NAB1: variants seen among roughly 807,000 people sequenced by gnomAD.
The protein encoded by NAB1 is NGFI-A binding protein 1, also known as NGFI-A-binding protein 1.
In NAB1, 25 loss-of-function variants were observed where a neutral mutation model predicts 49.9. That is an observed-to-expected ratio of 0.50 (90% CI 0.37 to 0.70). The LOEUF is 0.70. NAB1 is among the 30% of genes least tolerant of loss of function. The pLI is 0.00. For missense variants in NAB1, 489 were observed against 575.9 expected (o/e 0.85, Z 1.54); for synonymous variants, 198 against 215.6 (o/e 0.92, Z 0.71).
rs750117338 is a variant in NAB1, at chr2:190,659,206, G to C, written c.30G>C (p.Gly10=). 1.9e-6 allele frequency: 3 copies of C among 1,613,822 alleles called. No homozygotes were observed. Among genetic ancestry groups the C allele is most frequent in the Non-Finnish European group, 2.5e-6 (3 of 1,179,908 alleles). ...CTGCGGCCTTACCCAGGACCCTGGG[G>C]GAGTTGCAGCTGTATAGAATATTAC... MAAALPRTL[G]ELQLYRILQK... Residue 10 remains glycine, a synonymous_variant, in exon 4 of 10, where the codon GGG becomes GGC. Transcript: ENST00000337386. The surrounding 1 kb of genome is among the most constrained non-coding windows in gnomAD (Gnocchi z 6.2).
chr2:190,683,588 A>G, intron 6 of NAB1, 150 bp from the exon 7 acceptor site: 1 of 580,858 alleles, frequency 1.7e-6, no homozygotes, highest in East Asian at 2.9e-5. Context: ...TGTTTCATAA[A>G]AGGCTGAAAT....
chr2:190,672,729 A>T (rs1379228006), intron 5 of NAB1, among the ~76,000 whole-genome samples: 2 of 152,050 alleles, frequency 1.3e-5, no homozygotes, highest in Non-Finnish European at 2.9e-5. Flanking sequence ...TAATCCCAGC[A>T]ATTTGGAAGG....
rs1343510368 is a variant in NAB1, at chr2:190,659,598, A to G, written c.422A>G (p.Gln141Arg). ...AATTCVQSLG[Q>R]GKSDVVGSLA... is the part of the protein sequence containing the mutation. ...ACCACCTGTGTGCAGAGCTTGGGAC[A>G]GGGGAAGTCAGATGTGGTTGGGAGC... Residue 141 changes from glutamine (Q) to arginine (R), a missense_variant, in exon 4 of 10, where the codon CAG (glutamine) becomes CGG (arginine). Around this residue, in one of 4 missense-constraint regions of NAB1, gnomAD observed 204 missense variants for 220.9 expected, o/e 0.92. Transcript: ENST00000337386. This position sits in a 1 kb window ranked among gnomAD's most constrained non-coding sequence, Gnocchi z 6.2. 7 of 1,614,106 alleles carry G rather than the reference A, an allele frequency of 4.3e-6. No individual in the cohort carries two copies. The highest frequency in any genetic ancestry group is 5.1e-6 in the Non-Finnish European group (6 of 1,180,046).
At chr2:190,681,633 T>C (rs1225722047) in intron 6 of NAB1, among the ~76,000 whole-genome samples, 1 of 152,238 alleles carries the variant, frequency 6.6e-6, no homozygotes, top group Non-Finnish European at 1.5e-5. Context: ...ATGATAAAGC[T>C]ACATAGGACC....
Position 190,670,288 on chromosome 2 carries a change from A to C in NAB1, c.820-38A>C. Reference sequence around the variant, plus strand: ...ACCTTTTGCATTTTGATGAAATTAAAATGTTCTTAATTTTGAAACTCTGTT... The same window carrying C: ...ACCTTTTGCATTTTGATGAAATTAACATGTTCTTAATTTTGAAACTCTGTT... On this transcript the variant is annotated intron_variant, in intron 4 of 9. Coordinates refer to ENST00000337386, the MANE Select transcript of NAB1 (RefSeq NM_005966.4). The surrounding 1 kb of genome is among the most constrained non-coding windows in gnomAD (Gnocchi z 5.3). 1 of 1,565,492 alleles carries C rather than the reference A, an allele frequency of 6.4e-7. No individual in the cohort carries two copies. The highest frequency in any genetic ancestry group is 8.6e-7 in the Non-Finnish European group (1 of 1,156,976).
At position 190,667,223 on chromosome 2, in the gene NAB1, G is replaced by C. The variant is rs1694568254; in HGVS notation, c.820-3103G>C. ...TTTTTCTTGGTTTCTGGAAAGGTAA[G>C]AGAAGGAATACTAGAATATTGTTTT... On this transcript the variant is annotated intron_variant, in intron 4 of 9. Transcript: ENST00000337386. This position sits in a 1 kb window ranked among gnomAD's most constrained non-coding sequence, Gnocchi z 4.4. Among the ~76,000 whole-genome samples, 4 of 152,206 alleles carry C rather than the reference G, an allele frequency of 2.6e-5. No individual in the cohort carries two copies. The highest frequency in any genetic ancestry group is 1.3e-4 in the Admixed American group (2 of 15,288).
rs1458419972 is a variant in NAB1 at position 190,654,792 on chromosome 2, AGTG to A, written c.-196-1178_-196-1176del. On this transcript the variant is annotated intron_variant, in intron 2 of 9. Transcript: ENST00000337386. This position sits in a 1 kb window ranked among gnomAD's most constrained non-coding sequence, Gnocchi z 5.6. ...TTGGTGCTTTTGAGGCAGAGAAAGA[AGTG>A]GTGGTGTAGCCTAAGGACATGTAGA... 6.6e-5 allele frequency among the ~76,000 whole-genome samples: 10 copies of A among 152,162 alleles called. No individual in the cohort carries two copies. In the East Asian group the frequency reaches 1.9e-3, roughly 29 times the overall value.
chr2:190,668,386 T>C (rs1231064262), intron 4 of NAB1, among the ~76,000 whole-genome samples: 2 of 152,106 alleles, frequency 1.3e-5, no homozygotes, highest in African/African-American at 4.8e-5. Context: ...TTAAATAATA[T>C]ATGGTTGTTT....
chr2:190,666,439 G>A lies in NAB1; in HGVS notation c.820-3887G>A, dbSNP rs557789332. ...TAACTTTAAGAGGCCGGGCATGGTG[G>A]CTCACGCCTGTAATCCCAGCACTTT... On this transcript the variant is annotated intron_variant, in intron 4 of 9. Transcript: ENST00000337386. The surrounding 1 kb of genome is among the most constrained non-coding windows in gnomAD (Gnocchi z 5.6). Among the ~76,000 whole-genome samples the A allele has an allele frequency of 9.1e-4, 138 of 152,338 alleles. No homozygotes were observed. The highest frequency in any genetic ancestry group is 3.2e-3 in the African/African-American group (135 of 41,572).
In NAB1 at chr2:190,652,835, T is replaced by C. The variant is rs978871914; in HGVS notation, c.-197+2853T>C. Among the ~76,000 whole-genome samples the C allele has an allele frequency of 1.3e-5, 2 of 152,228 alleles. No individual in the cohort carries two copies. The highest frequency in any genetic ancestry group is 4.8e-5 in the African/African-American group (2 of 41,444). On this transcript the variant is annotated intron_variant, in intron 2 of 9. Transcript: ENST00000337386. The surrounding 1 kb of genome is among the most constrained non-coding windows in gnomAD (Gnocchi z 4.2). The stretch of plus-strand genomic sequence containing the variant: ...ACCCATAAAGTGTAGCTGAACTATA[T>C]TTAATCATTTTAGCTTGAGTTCTGG...
rs1234182541 is a variant in NAB1, at chr2:190,669,722, ACT to A, written c.820-601_820-600del. On this transcript the variant is annotated intron_variant, in intron 4 of 9. Transcript: ENST00000337386. The surrounding 1 kb of genome is among the most constrained non-coding windows in gnomAD (Gnocchi z 4.3). ...GTACAAAGTGTTTGGTCAACTAGCA[ACT>A]CTATATTGGCAATATTTAATAATTA... Among the ~76,000 whole-genome samples the A allele has an allele frequency of 6.6e-6, 1 of 152,174 alleles. No individual in the cohort carries two copies. Among genetic ancestry groups the A allele is most frequent in the African/African-American group, 2.4e-5 (1 of 41,438 alleles).
chr2:190,688,290 G>T (rs75518793), intron 9 of NAB1, among the ~76,000 whole-genome samples: 1 of 152,248 alleles, frequency 6.6e-6, no homozygotes, highest in Non-Finnish European at 1.5e-5. Context: ...TAGATAGAAT[G>T]AATTATGTAT....
Position 190,682,188 on chromosome 2 carries a change from T to TAAA in NAB1, c.1006-1549_1006-1548insAAA, listed in dbSNP as rs1695381998. On this transcript the variant is annotated intron_variant, in intron 6 of 9. Coordinates refer to ENST00000337386, the MANE Select transcript of NAB1 (RefSeq NM_005966.4). The surrounding 1 kb of genome is among the most constrained non-coding windows in gnomAD (Gnocchi z 4.1). ...CCAGTGCCCCCAGATAGGCCCTATTTATTATGGGAATTTAGTATGTATTGA... is the reference window on the plus strand; with the variant it reads ...CCAGTGCCCCCAGATAGGCCCTATTTAAAATTATGGGAATTTAGTATGTATTGA... Among the ~76,000 whole-genome samples, 2 of 152,328 alleles carry TAAA rather than the reference T, an allele frequency of 1.3e-5. No homozygotes were observed. The highest frequency in any genetic ancestry group is 4.8e-5 in the African/African-American group (2 of 41,584).
At position 190,666,692 on chromosome 2, in the gene NAB1, CA is replaced by C. The variant is rs374820893; in HGVS notation, c.820-3624del. ...TGGGAGACAGAGTGAGACTCCATCT[CA>C]AAAAAAAAAGAAAAAGGAAGCGAAC... On this transcript the variant is annotated intron_variant, in intron 4 of 9. Coordinates refer to ENST00000337386, the MANE Select transcript of NAB1 (RefSeq NM_005966.4). The surrounding 1 kb of genome is among the most constrained non-coding windows in gnomAD (Gnocchi z 5.6). 1.1e-4 allele frequency among the ~76,000 whole-genome samples: 15 copies of C among 139,144 alleles called. No homozygotes were observed. The highest frequency in any genetic ancestry group is 1.6e-4 in the African/African-American group (6 of 37,414). The allele number at this position is 139,144 out of a possible 152,430, so 91.3% of individuals were successfully genotyped here.
upstream of NAB1, chr2:190,648,901 C>T (rs1693484983): frequency 6.7e-6 from 1 of 150,356 alleles, no homozygotes; most frequent in South Asian, 2.1e-4. Flanking sequence ...CTGCGTCACT[C>T]GGCCGCGCGT....
At chr2:190,664,614 T>TTTTTTGG (rs1553548974) in intron 4 of NAB1, among the ~76,000 whole-genome samples, 1 of 111,814 alleles carries the variant, frequency 8.9e-6, no homozygotes, top group African/African-American at 3.8e-5. Flanking sequence ...TTTTTTTTTT[T>TTTTTTGG]GTAGGGACAG....
chr2:190,664,616 T>G lies in NAB1; in HGVS notation c.819+4621T>G, dbSNP rs1263241035. 4.2e-5 allele frequency among the ~76,000 whole-genome samples: 4 copies of G among 96,332 alleles called. No homozygotes were observed. The South Asian group carries it at 1.1e-3, about 26-fold the overall frequency. The allele number at this position is 96,332 out of a possible 152,430, so 63.2% of individuals were successfully genotyped here. A position where few individuals can be genotyped will look rare whatever the true frequency, so the allele number is the denominator to read the frequency against. On this transcript the variant is annotated intron_variant, in intron 4 of 9. Transcript: ENST00000337386. ...TTTTTTTTTTTTTTTTTTTTTTTTG[T>G]AGGGACAGGGTTTCCACGTTGCCCA...
At position 190,651,167 on chromosome 2, in the gene NAB1, G is replaced by T. The variant is rs111994450; in HGVS notation, c.-197+1185G>T. ...TAATTCAAATGACAGAAATTCTTAG[G>T]ATTACTATGGTTGTTACAAGGACAT... is the stretch of plus-strand genomic sequence containing the variant. On this transcript the variant is annotated intron_variant, in intron 2 of 9. Coordinates refer to ENST00000337386, the MANE Select transcript of NAB1 (RefSeq NM_005966.4). The surrounding 1 kb of genome is among the most constrained non-coding windows in gnomAD (Gnocchi z 4.3). 3.6e-3 allele frequency among the ~76,000 whole-genome samples: 545 copies of T among 152,218 alleles called. 3 individuals are homozygous for T. The highest frequency in any genetic ancestry group is 6.3e-3 in the Non-Finnish European group (429 of 68,014).
At position 190,677,801 on chromosome 2, in the gene NAB1, C is replaced by G. The variant is rs4535072; in HGVS notation, c.1005+4649C>G. The stretch of plus-strand genomic sequence containing the variant: ...CAGTAGCAGAGCCGGGGCTTCCTAT[C>G]TATGTCTGATTCCTGAATGTCAAAG... On this transcript the variant is annotated intron_variant, in intron 6 of 9. Transcript: ENST00000337386. The surrounding 1 kb of genome is among the most constrained non-coding windows in gnomAD (Gnocchi z 5.6). 6.6e-6 allele frequency among the ~76,000 whole-genome samples: 1 copy of G among 152,138 alleles called. No individual in the cohort carries two copies. Among genetic ancestry groups the G allele is most frequent in the Non-Finnish European group, 1.5e-5 (1 of 68,026 alleles).
Sources: allele counts gnomAD v4.1 joint callset (sites outside exome capture counted in the v4.1 genomes callset), GRCh38; gene constraint gnomAD v4.1.1; regional missense constraint gnomAD v4.1.1; non-coding constraint Gnocchi (gnomAD v3.1); transcripts MANE v1.5; gene names NCBI Gene and HGNC (gene_info 2026-07-23, HGNC 2026-07-21).